Variants in NPAS1 observed in about 807,000 individuals in gnomAD.
The protein encoded by NPAS1 is neuronal PAS domain-containing protein 1.
Under a neutral mutation model 49.2 loss-of-function variants are expected in NPAS1, and 29 were observed. The observed-to-expected ratio is 0.59, with a 90% CI of 0.44 to 0.80. The LOEUF is 0.80. Ranked by LOEUF, NPAS1 falls within the 30% of genes least tolerant of loss-of-function variation. The pLI, the probability that NPAS1 is intolerant of heterozygous loss-of-function variation, is 0.00. For synonymous variants in NPAS1, 408 were observed against 380.4 expected, an observed-to-expected ratio of 1.07 and a Z score of -0.84; for missense variants, 825 against 835.5, an observed-to-expected ratio of 0.99 and a Z score of 0.15.
Position 47,021,200 on chromosome 19 carries a change from G to GAC in NPAS1, c.122+31_122+32insAC. On this transcript the variant is annotated intron_variant, in intron 2 of 11. Transcript: ENST00000602212. The surrounding 1 kb of genome is among the most constrained non-coding windows in gnomAD (Gnocchi z 5.7). The stretch of plus-strand genomic sequence containing the variant: ...CAAAGCCCCGCCCCCCTGGCCGCGG[G>GAC]CCCCCCCCCGGGTCCAATTCACACC... The GAC allele has an allele frequency of 7.0e-7, 1 of 1,423,006 alleles. No individual in the cohort carries two copies. The highest frequency in any genetic ancestry group is 1.5e-5 in the African/African-American group (1 of 67,762). The allele number at this position is 1,423,006 out of a possible 1,614,324, so 88.1% of individuals were successfully genotyped here. A position where few individuals can be genotyped will look rare whatever the true frequency, so the allele number is the denominator to read the frequency against.
At chr19:47,034,377 A>G (rs1444734181) in intron 5 of NPAS1, among the ~76,000 whole-genome samples, 3 of 151,524 alleles carry the variant, frequency 2.0e-5, no homozygotes, top group African/African-American at 7.3e-5. Context: ...GAGCCCTGGC[A>G]TCTCACAGCA....
intron 11 of NPAS1, 30 bp downstream of exon 11, chr19:47,042,934 G>C: frequency 6.6e-7 from 1 of 1,509,998 alleles, no homozygotes; most frequent in Non-Finnish European, 8.9e-7. Flanking sequence ...TTGGCCCCTG[G>C]GAAGCTCCAA....
In NPAS1 at chr19:47,045,226, C is replaced by G. The variant is rs369353701; in HGVS notation, c.1348C>G (p.Pro450Ala). 9.3e-6 allele frequency: 15 copies of G among 1,613,708 alleles called. No individual in the cohort carries two copies. The highest frequency in any genetic ancestry group is 1.3e-5 in the Non-Finnish European group (15 of 1,179,954). ...EPPTEGKQAA[P>A]AENEAPQTQG... ...TCCGACGGAAGGGAAGCAGGCTGCC[C>G]CAGCGGAGAACGAGGCCCCCCAGAC... Residue 450 changes from proline (P) to alanine (A), a missense_variant, in exon 12 of 12, where the codon CCA (proline) becomes GCA (alanine). Pro to Ala is a conservative substitution (Grantham distance 27). Coordinates refer to ENST00000602212, the MANE Select transcript of NPAS1 (RefSeq NM_002517.4).
chr19:47,033,948 C>A, intron 5 of NPAS1, among the ~76,000 whole-genome samples: 1 of 123,122 alleles, frequency 8.1e-6, no homozygotes, highest in Non-Finnish European at 1.6e-5. Context: ...TGCACTCCAA[C>A]ATGGACAACA....
At chr19:47,041,213 C>G (rs1194599427) in intron 10 of NPAS1, 88 bp downstream of exon 10, 2 of 1,309,904 alleles carry the variant, frequency 1.5e-6, no homozygotes, top group Non-Finnish European at 2.0e-6. Flanking sequence ...GGGAGGGCTT[C>G]TAGAATGGGA....
At chr19:47,036,955 T>G (rs2056962692) in intron 6 of NPAS1, among the ~76,000 whole-genome samples, 1 of 150,812 alleles carries the variant, frequency 6.6e-6, no homozygotes, top group African/African-American at 2.4e-5. Context: ...TCCCAGCTAC[T>G]TGGGAGGTGG....
At chr19:47,037,473 G>A (rs1317543556) in intron 6 of NPAS1, among the ~76,000 whole-genome samples, 6 of 151,800 alleles carry the variant, frequency 4.0e-5, no homozygotes, top group Non-Finnish European at 5.9e-5. Context: ...ATTGCCCCCA[G>A]GTCACACAGC....
At chr19:47,038,931 C>T (rs1906117920) in intron 6 of NPAS1, 105 bp from the exon 7 acceptor site, 2 of 941,102 alleles carry the variant, frequency 2.1e-6, no homozygotes, top group Admixed American at 3.6e-5. Flanking sequence ...CGGCCGTGGC[C>T]CAGCGGACAT....
Position 47,045,576 on chromosome 19 carries a change from G to T in NPAS1, c.1698G>T (p.Pro566=). ...LQRLGPGPAL[P]EAFYPPLGLP... is the part of the protein sequence containing the mutation. Reference sequence around the variant, plus strand: ...GGCTGGGTCCGGGCCCCGCGCTCCCGGAGGCCTTTTACCCGCCCCTGGGCC... The same window carrying T: ...GGCTGGGTCCGGGCCCCGCGCTCCCTGAGGCCTTTTACCCGCCCCTGGGCC... The change falls in exon 12 of 12, where the codon CCG becomes CCT. Residue 566 remains proline, a synonymous_variant. Transcript: ENST00000602212. 1 of 1,490,338 alleles carries T rather than the reference G, an allele frequency of 6.7e-7. No individual in the cohort carries two copies. The highest frequency in any genetic ancestry group is 1.4e-5 in the African/African-American group (1 of 69,234). 92.3% of individuals were successfully genotyped at this position (1,490,338 alleles called of 1,614,324 possible).
chr19:47,039,015 T>C (rs755564712), intron 6 of NPAS1, 21 bp from the exon 7 acceptor site: 4 of 1,608,742 alleles, frequency 2.5e-6, no homozygotes, highest in Non-Finnish European at 3.4e-6. Context: ...CCCCATAACC[T>C]TCCTTCACTC....
chr19:47,040,501 G>C lies in NPAS1; in HGVS notation c.1020G>C (p.Gln340His). Reference protein sequence around the residue: ...PSELVGRSCYQFVHGQDATRI... With the variant: ...PSELVGRSCYHFVHGQDATRI... The stretch of plus-strand genomic sequence containing the variant: ...AGCTGGTGGGCCGCAGCTGCTACCA[G>C]TTTGTCCACGGACAGGACGCCACGA... Residue 340 changes from glutamine to histidine, a missense_variant, in exon 9 of 12, where the codon CAG (glutamine) becomes CAC (histidine). Physicochemically the swap from Gln to His is conservative, Grantham distance 24. Transcript: ENST00000602212. The C allele has an allele frequency of 6.2e-7, 1 of 1,605,046 alleles. No individual in the cohort carries two copies. The highest frequency in any genetic ancestry group is 1.1e-5 in the South Asian group (1 of 89,154).
chr19:47,033,221 C>A (rs1200012125), intron 5 of NPAS1, among the ~76,000 whole-genome samples: 1 of 151,202 alleles, frequency 6.6e-6, no homozygotes, highest in African/African-American at 2.4e-5. Flanking sequence ...CAGTGTGAGC[C>A]ACTGTCCTGG....
rs1375782269 is a variant in NPAS1, at chr19:47,045,040, A to AAAAAAC, written c.1313-140_1313-135dup. On this transcript the variant is annotated intron_variant, in intron 11 of 11. Transcript: ENST00000602212. The stretch of plus-strand genomic sequence containing the variant: ...GCAAGACTCCGTCTCACAAAAAAAC[A>AAAAAAC]AAAAACAAAAACAAAACAAACAAAC... 9 of 824,492 alleles carry AAAAAAC rather than the reference A, an allele frequency of 1.1e-5. No homozygotes were observed. The East Asian group carries it at 2.5e-4, about 23-fold the overall frequency. 51.1% of individuals were successfully genotyped at this position (824,492 alleles called of 1,614,324 possible).
At chr19:47,037,565 T>G (rs1033401535) in intron 6 of NPAS1, among the ~76,000 whole-genome samples, 1 of 151,998 alleles carries the variant, frequency 6.6e-6, no homozygotes, top group Non-Finnish European at 1.5e-5. Context: ...AGTGGAAATT[T>G]CCACTCCCAC....
intron 3 of NPAS1, among the ~76,000 whole-genome samples, chr19:47,022,795 ACT>A (rs2056849849): frequency 6.6e-6 from 1 of 152,198 alleles, no homozygotes; most frequent in Non-Finnish European, 1.5e-5. Flanking sequence ...AAAAATATAA[ACT>A]CTGTAAGATA....
Position 47,021,557 on chromosome 19 carries a change from C to T in NPAS1, c.123-55C>T. The T allele has an allele frequency of 7.9e-7, 1 of 1,265,514 alleles. No homozygotes were observed. Among genetic ancestry groups the T allele is most frequent in the South Asian group, 1.6e-5 (1 of 61,620 alleles). 78.4% of individuals were successfully genotyped at this position (1,265,514 alleles called of 1,614,324 possible). ...GGGAGGCGGGGCTCGCCCCCAGTTC[C>T]CAAGCCCCTGAGCCCCGGGGCCCCG... On this transcript the variant is annotated intron_variant, in intron 2 of 11. Transcript: ENST00000602212. The surrounding 1 kb of genome is among the most constrained non-coding windows in gnomAD (Gnocchi z 5.7).
intron 6 of NPAS1, 86 bp downstream of exon 6, chr19:47,036,215 A>G (rs1022318382): frequency 1.5e-5 from 20 of 1,362,036 alleles, no homozygotes; most frequent in Non-Finnish European, 1.6e-5. Context: ...CCGCGTTTAT[A>G]CAAATAGCAG....
At chr19:47,043,891 C>T (rs58325822) in intron 11 of NPAS1, among the ~76,000 whole-genome samples, 8 of 151,936 alleles carry the variant, frequency 5.3e-5, no homozygotes, top group African/African-American at 1.9e-4. Flanking sequence ...ATAGTGAGAC[C>T]CCATCTCAAC....
At chr19:47,032,541 C>T in intron 4 of NPAS1, 102 bp from the exon 5 acceptor site, 1 of 1,204,096 alleles carries the variant, frequency 8.3e-7, no homozygotes, top group Non-Finnish European at 1.2e-6. Flanking sequence ...AAACAGTCCA[C>T]CTCAGGTGGA....
Sources: gnomAD v4.1 joint callset for allele counts (sites outside exome capture counted in the v4.1 genomes callset) on GRCh38, gnomAD v4.1.1 for gene constraint, Gnocchi (gnomAD v3.1) non-coding constraint, MANE v1.5 for transcripts, NCBI Gene and HGNC (gene_info 2026-07-23, HGNC 2026-07-21) for gene names.